Variants in GPC5 observed in about 807,000 individuals in gnomAD.
GPC5 encodes glypican-5.
GPC5 carries 47 observed loss-of-function variants against 53.9 expected under a neutral mutation model. The observed-to-expected ratio is 0.87, with a 90% CI of 0.69 to 1.11. The LOEUF is 1.11. Among genes scored for constraint, GPC5 ranks in the 50% most tolerant of loss-of-function variants. The probability of loss-of-function intolerance (pLI) is 0.00; values close to 1 mark genes in which losing one functional copy is unlikely to be tolerated. For synonymous variants in GPC5, 286 were observed against 263.3 expected, an observed-to-expected ratio of 1.09 and a Z score of -0.84; for missense variants, 748 against 713.1, an observed-to-expected ratio of 1.05 and a Z score of -0.56.
intron 7 of GPC5, among the ~76,000 whole-genome samples, chr13:92,406,622 TA>T (rs1875808110): frequency 6.6e-6 from 1 of 152,150 alleles, no homozygotes; most frequent in African/African-American, 2.4e-5. Context: ...CCTCACAGCA[TA>T]AAAGTGTATA....
intron 6 of GPC5, among the ~76,000 whole-genome samples, chr13:92,067,204 G>A (rs1212689976): frequency 6.6e-6 from 1 of 151,986 alleles, no homozygotes; most frequent in Non-Finnish European, 1.5e-5. Context: ...CTCATGATAA[G>A]GTCCAGGCAT....
intron 7 of GPC5, among the ~76,000 whole-genome samples, chr13:92,226,282 C>T (rs1358064952): frequency 1.3e-5 from 2 of 152,152 alleles, no homozygotes; most frequent in African/African-American, 4.8e-5. Context: ...CTAATACATT[C>T]CAGTTCATTT....
chr13:92,134,859 C>CGT (rs2041770998), intron 6 of GPC5, among the ~76,000 whole-genome samples: 1 of 151,876 alleles, frequency 6.6e-6, no homozygotes, highest in Non-Finnish European at 1.5e-5. Flanking sequence ...TTGTGCCATT[C>CGT]GTGTGTGTGT....
rs576968310 is a variant in GPC5 at position 91,804,345 on chromosome 13, C to T, written c.1280+47925C>T. On this transcript the variant is annotated intron_variant, in intron 5 of 7. Transcript: ENST00000377067. The stretch of plus-strand genomic sequence containing the variant: ...TATGCAGTAGTATAGCTATAGCTCT[C>T]GTCTGTACTCACTCATGGTCCTTGC... Among the ~76,000 whole-genome samples the T allele has an allele frequency of 1.4e-4, 22 of 152,300 alleles. 1 individual carries two copies. In the East Asian group the frequency reaches 2.3e-3, roughly 16 times the overall value.
chr13:91,866,161 C>G (rs1330075439), intron 5 of GPC5, among the ~76,000 whole-genome samples: 1 of 151,938 alleles, frequency 6.6e-6, no homozygotes, highest in African/African-American at 2.4e-5. Context: ...AGCTACTGTG[C>G]TCGGCCATGA....
intron 6 of GPC5, among the ~76,000 whole-genome samples, chr13:92,122,588 T>C (rs376255728): frequency 9.9e-5 from 15 of 151,532 alleles, no homozygotes; most frequent in African/African-American, 3.6e-4. Context: ...AATGAGGCCT[T>C]GTAGGCAGTT....
chr13:92,385,310 CTA>C (rs1272454633), intron 7 of GPC5, among the ~76,000 whole-genome samples: 1 of 141,714 alleles, frequency 7.1e-6, no homozygotes, highest in Non-Finnish European at 1.5e-5. Flanking sequence ...TAGGCACTTC[CTA>C]TATATATACA....
chr13:92,307,207 A>T (rs1324565089), intron 7 of GPC5, among the ~76,000 whole-genome samples: 2 of 152,238 alleles, frequency 1.3e-5, no homozygotes, highest in African/African-American at 4.8e-5. Flanking sequence ...GAAAAGGAAA[A>T]TATACATTTT....
At chr13:92,616,689 G>A (rs1884703181) in intron 7 of GPC5, among the ~76,000 whole-genome samples, 1 of 152,108 alleles carries the variant, frequency 6.6e-6, no homozygotes, top group Admixed American at 6.5e-5. Flanking sequence ...TTGCTCAAAT[G>A]TCCAACTTTA....
chr13:92,676,052 G>T (rs1464838334), intron 7 of GPC5, among the ~76,000 whole-genome samples: 2 of 152,126 alleles, frequency 1.3e-5, no homozygotes, highest in African/African-American at 2.4e-5. Context: ...ATCCTAACCA[G>T]ATATTTTTTG....
chr13:91,758,318 AC>A (rs2037338054), intron 5 of GPC5, among the ~76,000 whole-genome samples: 1 of 152,088 alleles, frequency 6.6e-6, no homozygotes, highest in Non-Finnish European at 1.5e-5. Context: ...CTGGAATTGA[AC>A]TTTTTGTATA....
At chr13:91,614,286 T>TTGGTATCAGGCAACTCAGGAAGTC (rs1370730879) in intron 2 of GPC5, among the ~76,000 whole-genome samples, 1 of 152,196 alleles carries the variant, frequency 6.6e-6, no homozygotes, top group Non-Finnish European at 1.5e-5. Flanking sequence ...TTTTGTAGGT[T>TTGGTATCAGGCAACTCAGGAAGTC]TGGTATCAGG....
intron 7 of GPC5, among the ~76,000 whole-genome samples, chr13:92,751,948 T>A (rs945720810): frequency 1.3e-5 from 2 of 152,052 alleles, no homozygotes; most frequent in African/African-American, 4.8e-5. Context: ...GTTACTTTGT[T>A]ACCTTGTAAA....
chr13:92,240,769 G>T (rs1256009869), intron 7 of GPC5: 1 of 152,196 alleles, frequency 6.6e-6, no homozygotes, highest in Non-Finnish European at 1.5e-5. Flanking sequence ...CTTCCAAAGT[G>T]CTGGGATTAC....
At chr13:92,819,676 T>C (rs1044972135) in intron 7 of GPC5, among the ~76,000 whole-genome samples, 1 of 152,214 alleles carries the variant, frequency 6.6e-6, no homozygotes, top group Non-Finnish European at 1.5e-5. Flanking sequence ...CATTCAGATG[T>C]ATCCCCCTGG....
chr13:92,094,322 C>T (rs1444707796), intron 6 of GPC5, among the ~76,000 whole-genome samples: 1 of 151,926 alleles, frequency 6.6e-6, no homozygotes, highest in Admixed American at 6.6e-5. Flanking sequence ...TGAGACCATT[C>T]TGGCTAACAC....
chr13:92,638,941 C>G (rs919842924), intron 7 of GPC5, among the ~76,000 whole-genome samples: 12 of 152,134 alleles, frequency 7.9e-5, no homozygotes, highest in African/African-American at 2.7e-4. Context: ...TTTGAAAAAT[C>G]ATTTTATAGT....
In GPC5 at chr13:92,342,916, A is replaced by G. The variant is rs762184347; in HGVS notation, c.1561+197927A>G. Among the ~76,000 whole-genome samples, 8 of 152,282 alleles carry G rather than the reference A, an allele frequency of 5.3e-5. No individual in the cohort carries two copies. In the East Asian group the frequency reaches 1.3e-3, roughly 26 times the overall value. ...AAATATTATTTTATCATACTTATGT[A>G]CAAATATCTCCATGCACTTCCCTTT... On this transcript the variant is annotated intron_variant, in intron 7 of 7. Transcript: ENST00000377067.
Position 91,770,469 on chromosome 13 carries a change from A to C in GPC5, c.1280+14049A>C, listed in dbSNP as rs552721802. 5.3e-5 allele frequency among the ~76,000 whole-genome samples: 8 copies of C among 152,172 alleles called. No individual in the cohort carries two copies. In the East Asian group the frequency reaches 1.6e-3, roughly 29 times the overall value. The stretch of plus-strand genomic sequence containing the variant: ...TTGGTTTTTCTGGTGACCAGCCCCC[A>C]TCCAAGAGGCCATCAGAAATTATCT... On this transcript the variant is annotated intron_variant, in intron 5 of 7. Coordinates refer to ENST00000377067, the MANE Select transcript of GPC5 (RefSeq NM_004466.6).
Sources: allele counts gnomAD v4.1 joint callset (sites outside exome capture counted in the v4.1 genomes callset), GRCh38; gene constraint gnomAD v4.1.1; transcripts MANE v1.5; gene names NCBI Gene and HGNC (gene_info 2026-07-23, HGNC 2026-07-21).